The following COL5A2 variants were observed in gnomAD, a reference collection of about 807,000 sequenced individuals.
COL5A2 encodes the protein collagen type V alpha 2 chain, also known as collagen alpha-2(V) chain.
Under a neutral mutation model 208.2 loss-of-function variants are expected in COL5A2, and 23 were observed. The observed-to-expected ratio is 0.11, with a 90% CI of 0.08 to 0.16. The LOEUF (loss-of-function observed/expected upper bound fraction) is 0.16. Ranked by LOEUF, COL5A2 falls within the 10% of genes least tolerant of loss-of-function variation. COL5A2 has a pLI of 1.00. For missense variants in COL5A2, 1,590 were observed against 1,956.4 expected (o/e 0.81, Z 3.53); for synonymous variants, 625 against 628.5 (o/e 0.99, Z 0.08).
intron 42 of COL5A2, 36 bp from the exon 43 acceptor site, chr2:189,050,712 C>G (rs1297174281): frequency 6.7e-7 from 1 of 1,501,370 alleles, no homozygotes; most frequent in South Asian, 1.2e-5. Context: ...AGAAACTATC[C>G]AGGGTAAAAC....
At chr2:189,276,953 A>G in the COL5A2 span, among the ~76,000 whole-genome samples, 1 of 152,156 alleles carries the variant, frequency 6.6e-6, no homozygotes, top group Non-Finnish European at 1.5e-5. Flanking sequence ...TAGAAAAGGT[A>G]TATTTTATGA....
At chr2:189,374,976 T>G in the COL5A2 span, among the ~76,000 whole-genome samples, 12 of 152,118 alleles carry the variant, frequency 7.9e-5, no homozygotes, top group African/African-American at 2.9e-4. Context: ...CCTCATAATG[T>G]AAATCTGAAC....
the COL5A2 span, among the ~76,000 whole-genome samples, chr2:189,250,906 C>G: frequency 6.6e-6 from 1 of 152,106 alleles, no homozygotes; most frequent in Non-Finnish European, 1.5e-5. Context: ...AATCAATCAC[C>G]ATGCTTTAGT....
At chr2:189,332,458 T>C in the COL5A2 span, among the ~76,000 whole-genome samples, 1 of 152,188 alleles carries the variant, frequency 6.6e-6, no homozygotes, top group Non-Finnish European at 1.5e-5. Context: ...TCCAACCAAA[T>C]CGCATCTTGA....
At chr2:189,204,185 C>A (rs1422970827) in intron 1 of COL5A2, among the ~76,000 whole-genome samples, 1 of 152,206 alleles carries the variant, frequency 6.6e-6, no homozygotes, top group East Asian at 1.9e-4. Context: ...GCGTGAGCCA[C>A]CGCGCCCAGC....
the COL5A2 span, among the ~76,000 whole-genome samples, chr2:189,398,543 T>G: frequency 4.6e-5 from 7 of 152,280 alleles, no homozygotes; most frequent in East Asian, 1.2e-3. Flanking sequence ...AATGCTTTTT[T>G]GTCTTGTAGT....
the COL5A2 span, among the ~76,000 whole-genome samples, chr2:189,260,280 C>A: frequency 6.6e-6 from 1 of 152,154 alleles, no homozygotes; most frequent in African/African-American, 2.4e-5. Context: ...AAACCTTTAG[C>A]AAACAGAGAT....
chr2:189,193,725 G>T (rs917354427), intron 1 of COL5A2, among the ~76,000 whole-genome samples: 9 of 152,184 alleles, frequency 5.9e-5, no homozygotes, highest in Admixed American at 2.6e-4. Context: ...CCAGAGAAGG[G>T]CATAAGCACT....
chr2:189,152,621 A>G (rs1474874894), intron 1 of COL5A2, among the ~76,000 whole-genome samples: 1 of 152,170 alleles, frequency 6.6e-6, no homozygotes, highest in Non-Finnish European at 1.5e-5. Context: ...CTGGGAAAAT[A>G]GTTGCAGTAT....
intron 1 of COL5A2, among the ~76,000 whole-genome samples, chr2:189,133,975 C>A (rs1014253513): frequency 6.6e-6 from 1 of 151,938 alleles, no homozygotes; most frequent in East Asian, 1.9e-4. Context: ...GAGGACACAG[C>A]CATACAGAAT....
At chr2:189,345,487 A>G in the COL5A2 span, among the ~76,000 whole-genome samples, 1 of 152,172 alleles carries the variant, frequency 6.6e-6, no homozygotes, top group Non-Finnish European at 1.5e-5. Flanking sequence ...CCAGGAGCAG[A>G]GCTCTGAAGA....
the COL5A2 span, among the ~76,000 whole-genome samples, chr2:189,348,045 G>GA: frequency 0.037 from 5,510 of 147,978 alleles, 116 homozygotes; most frequent in Admixed American, 0.051. Context: ...ATTTAGACCA[G>GA]AAAAAAAAAA....
At chr2:189,229,078 T>C (rs1177483922), upstream of COL5A2, among the ~76,000 whole-genome samples, 2 of 151,762 alleles carry the variant, frequency 1.3e-5, no homozygotes, top group Non-Finnish European at 2.9e-5. Context: ...TAGAAAGACA[T>C]GTACAAAAAG....
the COL5A2 span, among the ~76,000 whole-genome samples, chr2:189,275,904 C>G: frequency 6.6e-6 from 1 of 152,004 alleles, no homozygotes; most frequent in African/African-American, 2.4e-5. Context: ...CTAAATACCC[C>G]CCAACTAATT....
In COL5A2 at chr2:189,166,274, G is replaced by C. The variant is rs74337713; in HGVS notation, c.97+13234C>G. ...TCCTGCAGTCTCCATAGAGGCATAA[G>C]GTTCTACCCAGGTGTGACTTGAAAC... On this transcript the variant is annotated intron_variant, in intron 1 of 53. Coordinates refer to ENST00000374866, the MANE Select transcript of COL5A2 (RefSeq NM_000393.5). Among the ~76,000 whole-genome samples the C allele has an allele frequency of 1.5e-3, 231 of 152,156 alleles. 1 individual carries two copies. Among genetic ancestry groups the C allele is most frequent in the African/African-American group, 5.4e-3 (225 of 41,530 alleles).
chr2:189,109,108 G>A (rs1687209773), intron 2 of COL5A2, among the ~76,000 whole-genome samples: 1 of 151,544 alleles, frequency 6.6e-6, no homozygotes, highest in Admixed American at 6.6e-5. Context: ...TGTGCATAAT[G>A]CAATTGCCAG....
At chr2:189,340,478 C>T in the COL5A2 span, among the ~76,000 whole-genome samples, 4 of 152,304 alleles carry the variant, frequency 2.6e-5, no homozygotes, top group African/African-American at 9.6e-5. Context: ...CATTAAGAGG[C>T]CACACTCTGG....
the COL5A2 span, among the ~76,000 whole-genome samples, chr2:189,343,295 G>A: frequency 6.6e-6 from 1 of 151,856 alleles, no homozygotes; most frequent in Admixed American, 6.6e-5. Context: ...GAAATTCTCT[G>A]GCACATTTTA....
chr2:189,397,965 A>G, the COL5A2 span, among the ~76,000 whole-genome samples: 1 of 152,108 alleles, frequency 6.6e-6, no homozygotes, highest in African/African-American at 2.4e-5. Context: ...TATGCATTCC[A>G]CAAATTTTAA....
Sources: allele counts gnomAD v4.1 joint callset (sites outside exome capture counted in the v4.1 genomes callset), GRCh38; gene constraint gnomAD v4.1.1; transcripts MANE v1.5; gene names NCBI Gene and HGNC (gene_info 2026-07-23, HGNC 2026-07-21).